ANKFN1: variants seen among roughly 807,000 people sequenced by gnomAD.
ANKFN1 encodes the protein ankyrin repeat and fibronectin type III domain containing 1.
Under a neutral mutation model 108.7 loss-of-function variants are expected in ANKFN1, and 74 were observed. The observed-to-expected ratio is 0.68, with a 90% CI of 0.56 to 0.83. The LOEUF (loss-of-function observed/expected upper bound fraction) is 0.83, where lower values mean the gene tolerates loss of function less well. Ranked by LOEUF, ANKFN1 falls within the 40% of genes least tolerant of loss-of-function variation. ANKFN1 has a pLI of 0.00. For synonymous variants in ANKFN1, 547 were observed against 516.2 expected, an observed-to-expected ratio of 1.06 and a Z score of -0.81; for missense variants, 1,505 against 1,382.3, an observed-to-expected ratio of 1.09 and a Z score of -1.41.
intron 5 of ANKFN1, among the ~76,000 whole-genome samples, chr17:56,352,864 G>A (rs1019294850): frequency 6.6e-6 from 1 of 152,172 alleles, no homozygotes; most frequent in Non-Finnish European, 1.5e-5. Context: ...TATCAGTATA[G>A]AGTGAGAGCT....
At chr17:56,199,075 A>G (rs758576565) in intron 1 of ANKFN1, among the ~76,000 whole-genome samples, 62 of 152,028 alleles carry the variant, frequency 4.1e-4, no homozygotes, top group Non-Finnish European at 7.8e-4. Flanking sequence ...TCTTTACAAT[A>G]TTTGCTCTGC....
intron 8 of ANKFN1, among the ~76,000 whole-genome samples, chr17:56,381,390 C>G (rs2047099062): frequency 6.6e-6 from 1 of 152,192 alleles, no homozygotes; most frequent in Non-Finnish European, 1.5e-5. Context: ...CTCTCCTCCT[C>G]CAAAGAACGC....
chr17:56,350,665 A>G, intron 4 of ANKFN1, 101 bp from the exon 5 acceptor site: 3 of 1,116,202 alleles, frequency 2.7e-6, no homozygotes, highest in Non-Finnish European at 3.9e-6. Context: ...CAGCTCTAAT[A>G]TTGTATTTGG....
intron 2 of ANKFN1, among the ~76,000 whole-genome samples, chr17:56,217,624 G>A (rs1241193513): frequency 1.3e-5 from 2 of 152,032 alleles, no homozygotes; most frequent in Admixed American, 1.3e-4. Flanking sequence ...CCACAACACA[G>A]AATCAATCAG....
chr17:56,412,026 C>G (rs1895149284), intron 8 of ANKFN1, among the ~76,000 whole-genome samples: 1 of 152,110 alleles, frequency 6.6e-6, no homozygotes, highest in African/African-American at 2.4e-5. Flanking sequence ...TTATTCTCTC[C>G]TCTTTGATTT....
intron 4 of ANKFN1, among the ~76,000 whole-genome samples, chr17:56,349,128 C>G (rs922985086): frequency 6.6e-6 from 1 of 152,092 alleles, no homozygotes; most frequent in Non-Finnish European, 1.5e-5. Context: ...AATGCAGGAA[C>G]AGAAAATCAA....
chr17:56,089,042 T>A (rs1905367108), intron 4 of ANKFN1, among the ~76,000 whole-genome samples: 1 of 150,456 alleles, frequency 6.6e-6, no homozygotes, highest in African/African-American at 2.4e-5. Context: ...ACTATACTGA[T>A]AAAAAAAAAT....
intron 3 of ANKFN1, among the ~76,000 whole-genome samples, chr17:56,249,667 G>T (rs1420846869): frequency 6.6e-6 from 1 of 152,160 alleles, no homozygotes; most frequent in Non-Finnish European, 1.5e-5. Context: ...AAGGTAGTAT[G>T]TATTGTCCCA....
intron 3 of ANKFN1, among the ~76,000 whole-genome samples, chr17:56,247,357 C>T (rs1567861994): frequency 6.6e-6 from 1 of 152,154 alleles, no homozygotes; most frequent in Non-Finnish European, 1.5e-5. Context: ...AAAACTTGAG[C>T]ACCACATGTA....
chr17:56,326,196 T>C (rs2045511474), intron 3 of ANKFN1, 25 bp from the exon 4 acceptor site: 2 of 1,599,980 alleles, frequency 1.3e-6, no homozygotes, highest in Admixed American at 3.5e-5. Context: ...GTAGTGATCC[T>C]GTTCGCATTT....
chr17:56,237,112 A>C (rs1278542768), intron 3 of ANKFN1, among the ~76,000 whole-genome samples: 2 of 152,164 alleles, frequency 1.3e-5, no homozygotes, highest in Admixed American at 1.3e-4. Flanking sequence ...GATGAAGCCT[A>C]CTTGATTGTT....
chr17:56,382,399 G>T (rs1424548111), intron 8 of ANKFN1, among the ~76,000 whole-genome samples: 1 of 152,110 alleles, frequency 6.6e-6, no homozygotes, highest in Non-Finnish European at 1.5e-5. Context: ...AGACCATCGA[G>T]GCTAGGAAGA....
chr17:56,387,175 C>T (rs1423725273), intron 8 of ANKFN1, among the ~76,000 whole-genome samples: 2 of 151,892 alleles, frequency 1.3e-5, no homozygotes, highest in African/African-American at 4.8e-5. Context: ...TTACCAATTC[C>T]TGCTACTTTC....
intron 8 of ANKFN1, among the ~76,000 whole-genome samples, chr17:56,393,260 T>G (rs2047490547): frequency 1.3e-5 from 2 of 152,164 alleles, no homozygotes; most frequent in African/African-American, 4.8e-5. Flanking sequence ...AAGAGTCCAG[T>G]GGAAATTTCT....
intron 4 of ANKFN1, among the ~76,000 whole-genome samples, chr17:56,116,442 G>T (rs76782685): frequency 5.9e-5 from 9 of 152,282 alleles, no homozygotes; most frequent in African/African-American, 2.2e-4. Context: ...CAGTGTTGCA[G>T]ATGGGGCCTA....
chr17:56,363,402 A>G (rs761728820), intron 6 of ANKFN1, among the ~76,000 whole-genome samples: 4 of 152,194 alleles, frequency 2.6e-5, no homozygotes, highest in African/African-American at 9.6e-5. Flanking sequence ...CAGACTGGCT[A>G]TTATCAAAAA....
chr17:56,201,013 A>G (rs1381258009), intron 1 of ANKFN1, among the ~76,000 whole-genome samples: 1 of 152,156 alleles, frequency 6.6e-6, no homozygotes, highest in Admixed American at 6.5e-5. Context: ...GACTACTGCA[A>G]TCATCTTCTA....
chr17:56,221,071 T>C (rs2143866674), intron 2 of ANKFN1, among the ~76,000 whole-genome samples: 1 of 152,298 alleles, frequency 6.6e-6, no homozygotes, highest in Non-Finnish European at 1.5e-5. Flanking sequence ...CTTAGAATCA[T>C]GGCAGAAGGT....
intron 2 of ANKFN1, chr17:56,224,556 C>T (rs902538395): frequency 2.6e-5 from 4 of 152,158 alleles, no homozygotes; most frequent in Non-Finnish European, 4.4e-5. Flanking sequence ...AAATAACTGA[C>T]AACTCAAGCC....
Sources: gnomAD v4.1 joint callset for allele counts (sites outside exome capture counted in the v4.1 genomes callset) on GRCh38, gnomAD v4.1.1 for gene constraint, MANE v1.5 for transcripts, NCBI Gene and HGNC (gene_info 2026-07-23, HGNC 2026-07-21) for gene names.